Variants in MFSD1 observed in about 807,000 individuals in gnomAD.
The protein encoded by MFSD1 is major facilitator superfamily domain containing 1.
A neutral mutation model predicts 67.1 loss-of-function variants in MFSD1; 59 were observed. That is an observed-to-expected ratio of 0.88 (90% confidence interval 0.71 to 1.09). MFSD1 has a LOEUF of 1.09. MFSD1 is among the 50% of genes least tolerant of loss of function. The pLI is 0.00. For synonymous variants in MFSD1, 213 were observed against 200.3 expected (o/e 1.06, Z -0.54); for missense variants, 552 against 566.1 (o/e 0.97, Z 0.25).
Position 158,824,225 on chromosome 3 carries a change from C to A in MFSD1, c.1277C>A (p.Ala426Asp). Reference protein sequence around the residue: ...GYLFLEVFFIACVSLSLLSVV... With the variant: ...GYLFLEVFFIDCVSLSLLSVV... ...TTGTTTTTGGAAGTGTTCTTCATTG[C>A]CTGTGTTTCTTGTGAGTATTCCGTA... Residue 426 changes from alanine to aspartate, a missense_variant, in exon 13 of 16, where the codon GCC becomes GAC. Coordinates refer to ENST00000415822, the MANE Select transcript of MFSD1 (RefSeq NM_022736.4). 6.2e-7 allele frequency: 1 copy of A among 1,603,310 alleles called. No individual in the cohort carries two copies. Among genetic ancestry groups the A allele is most frequent in the Non-Finnish European group, 8.5e-7 (1 of 1,172,712 alleles).
intron 2 of MFSD1, among the ~76,000 whole-genome samples, chr3:158,805,159 TG>T (rs1729661884): frequency 6.6e-6 from 1 of 152,156 alleles, no homozygotes; most frequent in Admixed American, 6.5e-5. Context: ...GGTTCCCAGG[TG>T]TGACCATTTT....
At chr3:158,824,100 G>A (rs1200012251) in intron 12 of MFSD1, 24 bp from the exon 13 acceptor site, 4 of 1,532,398 alleles carry the variant, frequency 2.6e-6, no homozygotes, top group Non-Finnish European at 2.7e-6. Flanking sequence ...AATGAAATGT[G>A]TCTTTATATT....
chr3:158,812,578 T>A (rs1190330232), intron 6 of MFSD1, among the ~76,000 whole-genome samples: 1 of 152,164 alleles, frequency 6.6e-6, no homozygotes, highest in African/African-American at 2.4e-5. Context: ...CCATGCCCAC[T>A]GCTAACCACC....
rs749305113 is a variant in MFSD1 at position 158,821,933 on chromosome 3, A to T, written c.921-51A>T. On this transcript the variant is annotated intron_variant, in intron 10 of 15. Transcript: ENST00000415822. ...TATTTTCAAGACTTTCTTGAAACTG[A>T]TGTTTGACTGTGTTGCATTTCATGA... The T allele has an allele frequency of 5.8e-6, 9 of 1,564,308 alleles. No individual in the cohort carries two copies. In the East Asian group the frequency reaches 1.8e-4, roughly 32 times the overall value.
intron 3 of MFSD1, among the ~76,000 whole-genome samples, chr3:158,805,848 C>A (rs1195293428): frequency 6.6e-6 from 1 of 152,170 alleles, no homozygotes; most frequent in East Asian, 1.9e-4. Flanking sequence ...TAGATGATTC[C>A]TACCTTGCAA....
chr3:158,826,097 G>T lies in MFSD1; in HGVS notation c.1336+35G>T, dbSNP rs148047426. 10 of 1,583,056 alleles carry T rather than the reference G, an allele frequency of 6.3e-6. No homozygotes were observed. The African/African-American group carries it at 9.4e-5, about 15-fold the overall frequency. Reference sequence around the variant, plus strand: ...AGATCTGATATTTGCTTCTTAAACCGCAGTGGATCATCTTGTGGGGTCTCT... The same window carrying T: ...AGATCTGATATTTGCTTCTTAAACCTCAGTGGATCATCTTGTGGGGTCTCT... On this transcript the variant is annotated intron_variant, in intron 14 of 15. Transcript: ENST00000415822.
In MFSD1 at chr3:158,823,449, T is replaced by C; in HGVS notation, c.1099T>C (p.Ser367Pro). The change falls in exon 12 of 16, where the codon TCA (serine) becomes CCA (proline). Residue 367 changes from serine to proline, a missense_variant. Physicochemically the swap from Ser to Pro is moderately conservative, Grantham distance 74. Transcript: ENST00000415822. ...IAMCLLGLSY[S>P]LLACALWPMV... ...GTAGTGTCTTCTGGGACTCTCCTAC[T>C]CATTGCTTGCCTGTGCATTGTGGCC... 6.2e-7 allele frequency: 1 copy of C among 1,613,620 alleles called. No homozygotes were observed. Among genetic ancestry groups the C allele is most frequent in the East Asian group, 2.2e-5 (1 of 44,872 alleles).
chr3:158,827,938 G>GAA (rs1338227685), intron 15 of MFSD1, among the ~76,000 whole-genome samples: 3 of 31,364 alleles, frequency 9.6e-5, no homozygotes, highest in African/African-American at 4.1e-4. Flanking sequence ...GAGAGAGAGA[G>GAA]AGAGGGGGAG....
In MFSD1 at chr3:158,819,642, T is replaced by A. The variant is rs776887546; in HGVS notation, c.653-7T>A. On this transcript the variant is annotated splice_region_variant and splice_polypyrimidine_tract_variant and intron_variant, in intron 7 of 15. Transcript: ENST00000415822. The stretch of plus-strand genomic sequence containing the variant: ...TCTGTTTTTCTTTTTTTTTTTTTTT[T>A]ATTTAGGGGGTATAACGTGTATTCT... 3 of 1,343,794 alleles carry A rather than the reference T, an allele frequency of 2.2e-6. No homozygotes were observed. In the Admixed American group the frequency reaches 7.6e-5, roughly 34 times the overall value. 83.2% of individuals were successfully genotyped at this position (1,343,794 alleles called of 1,614,324 possible).
At chr3:158,828,104 A>G (rs1005685517) in intron 15 of MFSD1, among the ~76,000 whole-genome samples, 1 of 152,204 alleles carries the variant, frequency 6.6e-6, no homozygotes, top group South Asian at 2.1e-4. Context: ...ATAATTTTTC[A>G]TCTTCTTCTG....
At chr3:158,828,562 A>G (rs1559926888) in intron 15 of MFSD1, among the ~76,000 whole-genome samples, 1 of 152,146 alleles carries the variant, frequency 6.6e-6, no homozygotes, top group Non-Finnish European at 1.5e-5. Flanking sequence ...TGTTGTTAAA[A>G]CCATGTTTTA....
intron 12 of MFSD1, 146 bp downstream of exon 12, chr3:158,823,671 AT>A: frequency 1.4e-6 from 1 of 699,774 alleles, no homozygotes; most frequent in Non-Finnish European, 2.5e-6. Context: ...CAGTAAATCT[AT>A]TTAAGATACT....
chr3:158,825,575 G>T (rs1012002860), intron 13 of MFSD1, among the ~76,000 whole-genome samples: 2 of 152,164 alleles, frequency 1.3e-5, no homozygotes, highest in African/African-American at 2.4e-5. Context: ...TTAATGTTTG[G>T]TTACTTGAAA....
intron 7 of MFSD1, among the ~76,000 whole-genome samples, chr3:158,817,769 G>C (rs928861086): frequency 3.9e-5 from 6 of 152,000 alleles, no homozygotes; most frequent in Admixed American, 1.3e-4. Flanking sequence ...CGTATGGAAC[G>C]AAAAAAGAGC....
intron 6 of MFSD1, among the ~76,000 whole-genome samples, chr3:158,811,239 C>T (rs1730000802): frequency 6.6e-6 from 1 of 152,296 alleles, no homozygotes; most frequent in East Asian, 1.9e-4. Context: ...AGCGCTGTAA[C>T]CTAGCTCTTG....
intron 9 of MFSD1, 73 bp from the exon 10 acceptor site, chr3:158,821,524 T>C: frequency 2.0e-6 from 2 of 986,136 alleles, no homozygotes. Context: ...TGAGTTATTT[T>C]TATTCAACTT....
intron 15 of MFSD1, 83 bp downstream of exon 15, chr3:158,827,420 G>GT (rs61485884): frequency 0.23 from 109,585 of 472,762 alleles, 2,374 homozygotes; most frequent in Non-Finnish European, 0.25. Flanking sequence ...GGGCTTTGAA[G>GT]TTTTTTTTTT....
chr3:158,821,105 C>G (rs1025130018), intron 9 of MFSD1, among the ~76,000 whole-genome samples: 8 of 152,150 alleles, frequency 5.3e-5, no homozygotes, highest in Admixed American at 1.3e-4. Flanking sequence ...ATTCTGGGTT[C>G]AAAGCAAATT....
chr3:158,820,061 A>G (rs1056739666), intron 8 of MFSD1, among the ~76,000 whole-genome samples, 154 bp from the exon 9 acceptor site: 5 of 152,222 alleles, frequency 3.3e-5, no homozygotes, highest in Non-Finnish European at 7.3e-5. Flanking sequence ...AAGTTATCCC[A>G]GAAATGATGT....
Sources: gnomAD v4.1 joint callset for allele counts (sites outside exome capture counted in the v4.1 genomes callset) on GRCh38, gnomAD v4.1.1 for gene constraint, MANE v1.5 for transcripts, NCBI Gene and HGNC (gene_info 2026-07-23, HGNC 2026-07-21) for gene names.